CDK17: variants seen among roughly 807,000 people sequenced by gnomAD.
CDK17 encodes cyclin-dependent kinase 17.
Under a neutral mutation model 77.6 loss-of-function variants are expected in CDK17, and 24 were observed. The observed-to-expected ratio is 0.31, with a 90% CI of 0.22 to 0.44. The LOEUF is 0.44. Ranked by LOEUF, CDK17 falls within the 20% of genes least tolerant of loss-of-function variation. CDK17 has a pLI of 1.00. For missense variants in CDK17, 429 were observed against 622.5 expected, an observed-to-expected ratio of 0.69 and a Z score of 3.31; for synonymous variants, 203 against 210.4, an observed-to-expected ratio of 0.96 and a Z score of 0.30.
intron 5 of CDK17, among the ~76,000 whole-genome samples, chr12:96,301,889 T>C (rs1042758955): frequency 6.6e-5 from 10 of 152,152 alleles, no homozygotes; most frequent in Non-Finnish European, 1.3e-4. Flanking sequence ...TCAAAATAAC[T>C]GTTTTTATCT....
At chr12:96,341,722 C>T (rs1046812582) in intron 1 of CDK17, among the ~76,000 whole-genome samples, 1 of 152,062 alleles carries the variant, frequency 6.6e-6, no homozygotes, top group African/African-American at 2.4e-5. Flanking sequence ...ATACCATACA[C>T]TGTTTTAAAA....
chr12:96,334,126 G>C (rs1389296976), intron 2 of CDK17, among the ~76,000 whole-genome samples: 1 of 152,190 alleles, frequency 6.6e-6, no homozygotes, highest in Non-Finnish European at 1.5e-5. Flanking sequence ...CTGAAAGCCA[G>C]TCACGTAAGT....
At chr12:96,295,827 AG>A (rs1952397888) in intron 9 of CDK17, among the ~76,000 whole-genome samples, 1 of 152,238 alleles carries the variant, frequency 6.6e-6, no homozygotes, top group African/African-American at 2.4e-5. Context: ...GGCTAATGGT[AG>A]AGTTTTTGCT....
Position 96,278,490 on chromosome 12 carries a change from A to G in CDK17, c.*1752T>C, listed in dbSNP as rs561951974. The G allele has an allele frequency of 1.3e-5, 2 of 152,658 alleles. No individual in the cohort carries two copies. Among genetic ancestry groups the G allele is most frequent in the South Asian group, 4.1e-4 (2 of 4,830 alleles). The allele number at this position is 152,658 out of a possible 1,614,324, so 9.5% of individuals were successfully genotyped here. Reference sequence around the variant, plus strand: ...TTATCTTAAGAACGACCCATAAAAGAAAAGGACCCCACTCGGCACAGCCTT... The same window carrying G: ...TTATCTTAAGAACGACCCATAAAAGGAAAGGACCCCACTCGGCACAGCCTT... On this transcript the variant is annotated 3_prime_UTR_variant, in exon 17 of 17. Transcript: ENST00000261211.
chr12:96,320,725 T>C (rs1252896214), intron 3 of CDK17, among the ~76,000 whole-genome samples: 39 of 144,476 alleles, frequency 2.7e-4, no homozygotes, highest in Admixed American at 9.7e-4. Context: ...CCCTATTTAA[T>C]AAATGGTGCT....
Position 96,323,753 on chromosome 12 carries a change from T to C in CDK17, c.283+195A>G, listed in dbSNP as rs190067869. Among the ~76,000 whole-genome samples the C allele has an allele frequency of 1.4e-3, 219 of 152,342 alleles. 1 individual carries two copies. The Middle Eastern group carries it at 0.017, about 12-fold the overall frequency. Reference sequence around the variant, plus strand: ...ATTTCCCTCCTGATGGACAGGTTTTTCAAATATTACTTCCCTGTATTGTCA... The same window carrying C: ...ATTTCCCTCCTGATGGACAGGTTTTCCAAATATTACTTCCCTGTATTGTCA... On this transcript the variant is annotated intron_variant, in intron 3 of 16. Transcript: ENST00000261211.
Position 96,286,683 on chromosome 12 carries a change from G to A in CDK17, c.1197C>T (p.His399=), listed in dbSNP as rs1462851626. 1.4e-5 allele frequency: 22 copies of A among 1,612,900 alleles called. No individual in the cohort carries two copies. Among genetic ancestry groups the A allele is most frequent in the Non-Finnish European group, 1.9e-5 (22 of 1,179,200 alleles). The change falls in exon 12 of 17, where the codon CAC becomes CAT. Residue 399 remains histidine, a synonymous_variant. Coordinates refer to ENST00000261211, the MANE Select transcript of CDK17 (RefSeq NM_002595.5). The part of the protein sequence containing the change: ...FPGSTVEDEL[H]LIFRLLGTPS... ...TGTTACCTAGCAGTCGGAAAATTAA[G>A]TGCAGTTCATCTTCCACGGTTGATC...
chr12:96,353,058 T>C (rs1953334575), intron 1 of CDK17, among the ~76,000 whole-genome samples: 1 of 152,182 alleles, frequency 6.6e-6, no homozygotes, highest in Non-Finnish European at 1.5e-5. Context: ...ACTATAAAAT[T>C]TTGCAGAGAC....
At chr12:96,398,335 T>C (rs991549275) in intron 1 of CDK17, among the ~76,000 whole-genome samples, 3 of 152,212 alleles carry the variant, frequency 2.0e-5, no homozygotes, top group Middle Eastern at 3.2e-3. Context: ...GTTGCAAAAA[T>C]TGAAATGACT....
intron 11 of CDK17, among the ~76,000 whole-genome samples, chr12:96,287,577 C>T (rs2137068749): frequency 6.6e-6 from 1 of 152,168 alleles, no homozygotes; most frequent in Non-Finnish European, 1.5e-5. Context: ...GAACTGAAAT[C>T]AGGCCAATGC....
At chr12:96,392,447 T>C (rs1295269907) in intron 1 of CDK17, among the ~76,000 whole-genome samples, 12 of 152,074 alleles carry the variant, frequency 7.9e-5, no homozygotes, top group Admixed American at 6.6e-4. Context: ...GGGACAAAAC[T>C]GGAGCCAGTA....
At chr12:96,396,453 TA>T (rs2137254598) in intron 1 of CDK17, among the ~76,000 whole-genome samples, 1 of 152,328 alleles carries the variant, frequency 6.6e-6, no homozygotes, top group East Asian at 1.9e-4. Context: ...CTAGGTTCGC[TA>T]TTACAGGCAG....
At chr12:96,391,285 ATTTT>A (rs10718899) in intron 1 of CDK17, among the ~76,000 whole-genome samples, 3 of 146,370 alleles carry the variant, frequency 2.0e-5, no homozygotes, top group Admixed American at 1.4e-4. Flanking sequence ...TTTGTTTTTG[ATTTT>A]TTTTTTCTTT....
intron 1 of CDK17, 116 bp downstream of exon 1, chr12:96,399,870 A>G (rs1022597989): frequency 4.1e-5 from 10 of 244,634 alleles, no homozygotes; most frequent in Non-Finnish European, 4.6e-5. Context: ...ACCGGGCCTG[A>G]GCCACCCGCG....
intron 3 of CDK17, among the ~76,000 whole-genome samples, chr12:96,323,005 AC>A (rs1952842543): frequency 6.6e-6 from 1 of 152,224 alleles, no homozygotes; most frequent in East Asian, 1.9e-4. Context: ...TTAAAGAAAC[AC>A]ATTTGGAAAT....
intron 2 of CDK17, among the ~76,000 whole-genome samples, chr12:96,326,699 T>TA (rs927223772): frequency 3.9e-5 from 6 of 152,312 alleles, no homozygotes; most frequent in South Asian, 2.1e-4. Flanking sequence ...TATGTGTTTC[T>TA]AACAAATTCC....
intron 6 of CDK17, 66 bp downstream of exon 6, chr12:96,300,238 G>A: frequency 9.7e-7 from 1 of 1,030,524 alleles, no homozygotes; most frequent in Non-Finnish European, 1.5e-6. Context: ...AAAAACCGTG[G>A]AGTAACAGAG....
At chr12:96,390,191 G>C (rs112575345) in intron 1 of CDK17, among the ~76,000 whole-genome samples, 5 of 135,654 alleles carry the variant, frequency 3.7e-5, no homozygotes, top group African/African-American at 1.4e-4. Context: ...TTGCTCTGTC[G>C]CCCAGGCTGG....
chr12:96,342,625 T>A (rs543075942), intron 1 of CDK17, among the ~76,000 whole-genome samples: 16 of 152,174 alleles, frequency 1.1e-4, no homozygotes, highest in Non-Finnish European at 1.8e-4. Flanking sequence ...GAGCACTGAA[T>A]TAAAATTTCA....
Sources: allele counts gnomAD v4.1 joint callset (sites outside exome capture counted in the v4.1 genomes callset), GRCh38; gene constraint gnomAD v4.1.1; transcripts MANE v1.5; gene names NCBI Gene and HGNC (gene_info 2026-07-23, HGNC 2026-07-21).